MKLN1: variants seen among roughly 807,000 people sequenced by gnomAD.
MKLN1 encodes muskelin.
Under a neutral mutation model 99.0 loss-of-function variants are expected in MKLN1, and 18 were observed. The observed-to-expected ratio is 0.18, with a 90% CI of 0.13 to 0.27. MKLN1 has a LOEUF of 0.27. Among genes scored for constraint, MKLN1 ranks in the 10% least tolerant of loss-of-function variants. MKLN1 has a pLI of 1.00. For missense variants in MKLN1, 621 were observed against 875.9 expected, an observed-to-expected ratio of 0.71 and a Z score of 3.67; for synonymous variants, 288 against 293.2, an observed-to-expected ratio of 0.98 and a Z score of 0.18.
At chr7:131,423,032 A>G (rs1278223547) in intron 8 of MKLN1, among the ~76,000 whole-genome samples, 1 of 152,210 alleles carries the variant, frequency 6.6e-6, no homozygotes, top group Non-Finnish European at 1.5e-5. Context: ...GAGAAAAGCC[A>G]CGTCTATTTT....
At chr7:131,419,504 A>G (rs920232378) in intron 8 of MKLN1, among the ~76,000 whole-genome samples, 4 of 152,042 alleles carry the variant, frequency 2.6e-5, no homozygotes, top group African/African-American at 9.7e-5. Context: ...GGCCTCCCAA[A>G]GTGCCAGGAT....
chr7:131,142,136 G>A (rs372610690), intron 1 of MKLN1, among the ~76,000 whole-genome samples: 14 of 152,048 alleles, frequency 9.2e-5, no homozygotes, highest in African/African-American at 3.4e-4. Flanking sequence ...GGCAGGGCAC[G>A]GTGGCTCACG....
intron 1 of MKLN1, among the ~76,000 whole-genome samples, chr7:131,128,350 T>G (rs1264402756): frequency 6.6e-6 from 1 of 152,160 alleles, no homozygotes; most frequent in Non-Finnish European, 1.5e-5. Flanking sequence ...GAAAGTAGTG[T>G]AAGCATTTTT....
intron 3 of MKLN1, among the ~76,000 whole-genome samples, chr7:131,302,959 T>G (rs1798397401): frequency 6.6e-6 from 1 of 152,152 alleles, no homozygotes. Flanking sequence ...TACCAAACTG[T>G]GCGCTGGGGT....
chr7:131,484,228 G>T (rs1163934191), intron 17 of MKLN1, among the ~76,000 whole-genome samples: 1 of 152,144 alleles, frequency 6.6e-6, no homozygotes, highest in Non-Finnish European at 1.5e-5. Flanking sequence ...AATAAAAGAT[G>T]TGCCTTTGAG....
chr7:131,426,023 C>T (rs1008923353), intron 8 of MKLN1, among the ~76,000 whole-genome samples: 8 of 152,070 alleles, frequency 5.3e-5, no homozygotes, highest in East Asian at 1.9e-4. Context: ...AGTTTCCATC[C>T]GATTCATTTA....
chr7:131,209,650 C>T (rs896545751), intron 3 of MKLN1, among the ~76,000 whole-genome samples: 1 of 152,232 alleles, frequency 6.6e-6, no homozygotes, highest in African/African-American at 2.4e-5. Flanking sequence ...TCCTTGCTAA[C>T]ACAGCCCTGA....
intron 3 of MKLN1, among the ~76,000 whole-genome samples, chr7:131,303,519 A>G (rs140162255): frequency 4.6e-5 from 7 of 152,372 alleles, no homozygotes; most frequent in Non-Finnish European, 7.3e-5. Flanking sequence ...ATCTCAAACA[A>G]TGACAAAGTT....
chr7:131,207,292 G>A (rs1223519989), intron 3 of MKLN1, among the ~76,000 whole-genome samples: 4 of 152,066 alleles, frequency 2.6e-5, no homozygotes, highest in African/African-American at 4.8e-5. Context: ...CCACCTCCCC[G>A]GTTGAAGTGA....
intron 1 of MKLN1, among the ~76,000 whole-genome samples, chr7:131,361,289 T>TA (rs1800021025): frequency 6.6e-6 from 1 of 151,880 alleles, no homozygotes; most frequent in Non-Finnish European, 1.5e-5. Flanking sequence ...TTTTTTATTT[T>TA]AAAAAATAGT....
In MKLN1 at chr7:131,118,366, A is replaced by C. The variant is rs180767377; in HGVS notation, c.-419+8159A>C. Among the ~76,000 whole-genome samples, 866 of 152,118 alleles carry C rather than the reference A, an allele frequency of 5.7e-3. 10 individuals carry two copies. The highest frequency in any genetic ancestry group is 0.02 in the African/African-American group (842 of 41,496). ...GTCAGGAGTTCGAGACCAGCCTGGCAAACATGGTGAAACCCCATCTCTACT... is the reference window on the plus strand; with the variant it reads ...GTCAGGAGTTCGAGACCAGCCTGGCCAACATGGTGAAACCCCATCTCTACT... On this transcript the variant is annotated intron_variant, in intron 1 of 7. Transcript: ENST00000416992.
At position 131,487,534 on chromosome 7, in the gene MKLN1, C is replaced by T; in HGVS notation, c.2087-73C>T. ...GATTTCTCCATTATAAAATACATTG[C>T]TGCTGGTCTCAACTAGTTTTTCTGT... On this transcript the variant is annotated intron_variant, in intron 17 of 17. Transcript: ENST00000352689. The surrounding 1 kb of genome is among the most constrained non-coding windows in gnomAD (Gnocchi z 4.7). The T allele has an allele frequency of 6.7e-7, 1 of 1,499,890 alleles. No homozygotes were observed. The highest frequency in any genetic ancestry group is 9.0e-7 in the Non-Finnish European group (1 of 1,108,128). 92.9% of individuals were successfully genotyped at this position (1,499,890 alleles called of 1,614,324 possible). A position where few individuals can be genotyped will look rare whatever the true frequency, so the allele number is the denominator to read the frequency against.
chr7:131,214,676 C>T (rs931745628), intron 3 of MKLN1, among the ~76,000 whole-genome samples: 2 of 152,170 alleles, frequency 1.3e-5, no homozygotes, highest in Non-Finnish European at 2.9e-5. Flanking sequence ...TTATTACTTT[C>T]CACCAAATGC....
At chr7:131,464,243 A>G (rs1213579887) in intron 13 of MKLN1, 51 bp from the exon 14 acceptor site, 1 of 1,149,530 alleles carries the variant, frequency 8.7e-7, no homozygotes, top group Admixed American at 1.8e-5. Flanking sequence ...CTACAGTTGT[A>G]TTATCTTTGC....
chr7:131,265,051 G>T (rs1212770820), intron 3 of MKLN1, among the ~76,000 whole-genome samples: 1 of 152,152 alleles, frequency 6.6e-6, no homozygotes, highest in African/African-American at 2.4e-5. Flanking sequence ...ATGTGGCCAG[G>T]CTGGCCTTGA....
intron 12 of MKLN1, among the ~76,000 whole-genome samples, chr7:131,459,518 C>G (rs971319621): frequency 2.6e-5 from 4 of 152,166 alleles, no homozygotes; most frequent in Non-Finnish European, 4.4e-5. Context: ...TGAAGCTGTT[C>G]TGAGGCCTTC....
chr7:131,419,614 G>A (rs1398836677), intron 8 of MKLN1, among the ~76,000 whole-genome samples: 2 of 152,020 alleles, frequency 1.3e-5, no homozygotes, highest in African/African-American at 4.8e-5. Flanking sequence ...GCTGAACCAG[G>A]TATTCAAATA....
chr7:131,318,677 A>T (rs935852922), intron 3 of MKLN1, among the ~76,000 whole-genome samples: 6 of 152,176 alleles, frequency 3.9e-5, no homozygotes, highest in African/African-American at 1.4e-4. Context: ...TAGTTTTTTT[A>T]AAAAATTAAC....
At chr7:131,377,347 G>C (rs1354886305) in intron 2 of MKLN1, among the ~76,000 whole-genome samples, 1 of 152,098 alleles carries the variant, frequency 6.6e-6, no homozygotes, top group East Asian at 1.9e-4. Context: ...ACTTCTATGG[G>C]TGGATTTTAT....
Sources: gnomAD v4.1 joint callset for allele counts (sites outside exome capture counted in the v4.1 genomes callset) on GRCh38, gnomAD v4.1.1 for gene constraint, Gnocchi (gnomAD v3.1) non-coding constraint, MANE v1.5 for transcripts, NCBI Gene and HGNC (gene_info 2026-07-23, HGNC 2026-07-21) for gene names.